Variants in CPE observed in about 807,000 individuals in gnomAD.
The protein encoded by CPE is carboxypeptidase E.
Under a neutral mutation model 53.5 loss-of-function variants are expected in CPE, and 17 were observed. The observed-to-expected ratio is 0.32, with a 90% CI of 0.22 to 0.48. The LOEUF is 0.48. Among genes scored for constraint, CPE ranks in the 20% least tolerant of loss-of-function variants. CPE has a pLI of 0.99. For missense variants in CPE, 524 were observed against 614.7 expected (o/e 0.85, Z 1.56); for synonymous variants, 226 against 228.8 (o/e 0.99, Z 0.11).
At chr4:165,405,894 A>G (rs2126664617) in intron 1 of CPE, 1 of 734,758 alleles carries the variant, frequency 1.4e-6, no homozygotes, top group Non-Finnish European at 2.6e-6. Context: ...TTGCTATTTT[A>G]TATTGGCATA....
chr4:165,427,410 C>A (rs946978114), intron 1 of CPE, among the ~76,000 whole-genome samples: 9 of 151,914 alleles, frequency 5.9e-5, no homozygotes, highest in Non-Finnish European at 8.8e-5. Flanking sequence ...TTGTCATAAA[C>A]ATTTCCTGAA....
intron 1 of CPE, among the ~76,000 whole-genome samples, chr4:165,403,593 A>G (rs1730903735): frequency 6.6e-6 from 1 of 152,080 alleles, no homozygotes; most frequent in East Asian, 1.9e-4. Flanking sequence ...GCCATGGGGA[A>G]TGTGTTTTCT....
intron 3 of CPE, among the ~76,000 whole-genome samples, chr4:165,470,664 C>A: frequency 6.6e-6 from 1 of 152,116 alleles, no homozygotes; most frequent in East Asian, 1.9e-4. Flanking sequence ...CCTGACATTC[C>A]TGGTGGTTGG....
At chr4:165,384,668 G>A (rs1471019464) in intron 1 of CPE, among the ~76,000 whole-genome samples, 2 of 152,108 alleles carry the variant, frequency 1.3e-5, no homozygotes, top group Non-Finnish European at 2.9e-5. Context: ...CTTGGAAGTA[G>A]TGTTACACTT....
intron 3 of CPE, among the ~76,000 whole-genome samples, chr4:165,468,938 C>T (rs1579275800): frequency 6.6e-6 from 1 of 152,198 alleles, no homozygotes; most frequent in Non-Finnish European, 1.5e-5. Flanking sequence ...TGGCTTCATA[C>T]TTGCTGTGTG....
Position 165,412,507 on chromosome 4 carries a change from C to T in CPE, c.307+32979C>T, listed in dbSNP as rs568170667. Among the ~76,000 whole-genome samples, 18 of 152,202 alleles carry T rather than the reference C, an allele frequency of 1.2e-4. No individual in the cohort carries two copies. The South Asian group carries it at 2.5e-3, about 21-fold the overall frequency. On this transcript the variant is annotated intron_variant, in intron 1 of 8. Transcript: ENST00000402744. The stretch of plus-strand genomic sequence containing the variant: ...TATGAATCAGTTACTATTATTATCT[C>T]GATTTTACAGATTAGGAAACTGAGG...
At chr4:165,407,437 T>C (rs556022738) in intron 1 of CPE, among the ~76,000 whole-genome samples, 2 of 151,998 alleles carry the variant, frequency 1.3e-5, no homozygotes. Flanking sequence ...GGTCCGGCTA[T>C]GTTGCCCAGG....
At chr4:165,387,098 T>C (rs112685549) in intron 1 of CPE, among the ~76,000 whole-genome samples, 86 of 152,352 alleles carry the variant, frequency 5.6e-4, no homozygotes, top group African/African-American at 1.8e-3. Context: ...TATGGTGTTT[T>C]GTAAGTGATC....
chr4:165,439,550 C>T lies in CPE; in HGVS notation c.308-24840C>T, dbSNP rs927940659. Among the ~76,000 whole-genome samples, 10 of 124,374 alleles carry T rather than the reference C, an allele frequency of 8.0e-5. No individual in the cohort carries two copies. The East Asian group carries it at 1.1e-3, about 13-fold the overall frequency. The allele number at this position is 124,374 out of a possible 152,430, so 81.6% of individuals were successfully genotyped here. On this transcript the variant is annotated intron_variant, in intron 1 of 8. Transcript: ENST00000402744. The stretch of plus-strand genomic sequence containing the variant: ...AGGAACAATGTGTTGTGGCAGAAGT[C>T]GGCTGAAGCTTTTTTTTTTTTAATG...
At chr4:165,451,790 C>T (rs1296771652) in intron 1 of CPE, among the ~76,000 whole-genome samples, 2 of 150,898 alleles carry the variant, frequency 1.3e-5, no homozygotes, top group East Asian at 3.9e-4. Flanking sequence ...GTGCTCGGCC[C>T]AGAAGAGGTT....
At chr4:165,428,391 A>G (rs754101137) in intron 1 of CPE, among the ~76,000 whole-genome samples, 15 of 151,860 alleles carry the variant, frequency 9.9e-5, no homozygotes, top group Non-Finnish European at 1.5e-4. Flanking sequence ...GTACTCCAAT[A>G]TAGAAGCAAC....
At chr4:165,449,339 G>A (rs941378331) in intron 1 of CPE, among the ~76,000 whole-genome samples, 3 of 152,170 alleles carry the variant, frequency 2.0e-5, no homozygotes, top group African/African-American at 7.2e-5. Flanking sequence ...TAATGTTCAC[G>A]GGTGACACCA....
At chr4:165,469,223 C>T (rs781349633) in intron 3 of CPE, among the ~76,000 whole-genome samples, 2 of 152,110 alleles carry the variant, frequency 1.3e-5, no homozygotes, top group Non-Finnish European at 2.9e-5. Context: ...ACAAATTGAG[C>T]CCATCTTGGA....
At chr4:165,460,269 A>G (rs1183331938) in intron 1 of CPE, among the ~76,000 whole-genome samples, 1 of 151,292 alleles carries the variant, frequency 6.6e-6, no homozygotes. Flanking sequence ...AGAGAGGGCC[A>G]TTCAAAATCT....
Position 165,379,371 on chromosome 4 carries a change from C to T in CPE, c.150C>T (p.Ser50=). 6.2e-7 allele frequency: 1 copy of T among 1,605,038 alleles called. No individual in the cohort carries two copies. Among genetic ancestry groups the T allele is most frequent in the South Asian group, 1.1e-5 (1 of 89,830 alleles). ...GGCTGCAGCAAGAGGACGGCATCTC[C>T]TTCGAGTACCACCGCTACCCCGAGC... is the stretch of plus-strand genomic sequence containing the variant. The part of the protein sequence containing the change: ...RRRLQQEDGI[S]FEYHRYPELR... Residue 50 remains serine, a synonymous_variant, in exon 1 of 9, where the codon TCC becomes TCT. Coordinates refer to ENST00000402744, the MANE Select transcript of CPE (RefSeq NM_001873.4). This position sits in a 1 kb window ranked among gnomAD's most constrained non-coding sequence, Gnocchi z 6.0.
chr4:165,403,846 G>A (rs780594043), intron 1 of CPE, among the ~76,000 whole-genome samples: 10 of 152,004 alleles, frequency 6.6e-5, no homozygotes, highest in Admixed American at 1.3e-4. Context: ...GAGCACAGTG[G>A]GTTCCACCTT....
At chr4:165,428,268 T>C (rs1456423461) in intron 1 of CPE, among the ~76,000 whole-genome samples, 1 of 152,170 alleles carries the variant, frequency 6.6e-6, no homozygotes, top group Non-Finnish European at 1.5e-5. Context: ...TGTTGACTCA[T>C]CTCAAACTCC....
At position 165,492,694 on chromosome 4, in the gene CPE, C is replaced by G. The variant is rs143786984; in HGVS notation, c.1114-477C>G. Among the ~76,000 whole-genome samples the G allele has an allele frequency of 1.6e-3, 243 of 152,250 alleles. 1 individual carries two copies. Among genetic ancestry groups the G allele is most frequent in the African/African-American group, 5.3e-3 (220 of 41,534 alleles). On this transcript the variant is annotated intron_variant, in intron 6 of 8. Transcript: ENST00000402744. ...GTAATTAGAACGGAACAGAACAGGA[C>G]AGGGATTTTCACAGTGCTTTTCCAT...
In CPE at chr4:165,498,103, A is replaced by C. The variant is rs1553980890; in HGVS notation, c.*493A>C. On this transcript the variant is annotated 3_prime_UTR_variant, in exon 9 of 9. Transcript: ENST00000402744. ...TTTCTTGTGCTGACTAACTATAAGC[A>C]TGATCTTGTTAATGCATTTTTGATG... 1 of 152,226 alleles carries C rather than the reference A, an allele frequency of 6.6e-6. No individual in the cohort carries two copies. Among genetic ancestry groups the C allele is most frequent in the South Asian group, 2.1e-4 (1 of 4,834 alleles). The allele number at this position is 152,226 out of a possible 1,614,324, so 9.4% of individuals were successfully genotyped here.
Sources: allele counts gnomAD v4.1 joint callset (sites outside exome capture counted in the v4.1 genomes callset), GRCh38; gene constraint gnomAD v4.1.1; non-coding constraint Gnocchi (gnomAD v3.1); transcripts MANE v1.5; gene names NCBI Gene and HGNC (gene_info 2026-07-23, HGNC 2026-07-21).